Variants in SIPA1L1 observed in about 807,000 individuals in gnomAD.
The protein encoded by SIPA1L1 is signal-induced proliferation-associated 1-like protein 1.
A neutral mutation model predicts 162.7 loss-of-function variants in SIPA1L1; 26 were observed. The ratio of observed to expected loss-of-function variants is 0.16; its 90% CI spans 0.12 to 0.22. The LOEUF (loss-of-function observed/expected upper bound fraction) is 0.22, where lower values mean the gene tolerates loss of function less well. Ranked by LOEUF, SIPA1L1 falls within the 10% of genes least tolerant of loss-of-function variation. SIPA1L1 has a pLI of 1.00. For synonymous variants in SIPA1L1, 829 were observed against 837.4 expected, an observed-to-expected ratio of 0.99 and a Z score of 0.17; for missense variants, 1,874 against 2,241.0, an observed-to-expected ratio of 0.84 and a Z score of 3.31.
At chr14:71,612,454 A>T (rs1395683816) in intron 5 of SIPA1L1, among the ~76,000 whole-genome samples, 1 of 152,206 alleles carries the variant, frequency 6.6e-6, no homozygotes, top group Non-Finnish European at 1.5e-5. Context: ...CTATTAAACA[A>T]TTTAAATTAA....
At chr14:71,426,268 T>C (rs547093927) in intron 2 of SIPA1L1, among the ~76,000 whole-genome samples, 39 of 152,282 alleles carry the variant, frequency 2.6e-4, no homozygotes, top group Admixed American at 2.5e-3. Context: ...GAGGCACTTT[T>C]GTCATGTTGC....
At chr14:71,555,323 T>C (rs902492221) in intron 4 of SIPA1L1, among the ~76,000 whole-genome samples, 2 of 152,224 alleles carry the variant, frequency 1.3e-5, no homozygotes, top group African/African-American at 4.8e-5. Flanking sequence ...GGAGACAGCT[T>C]CCTTCCCGAA....
chr14:71,334,804 T>A, intron 2 of SIPA1L1, among the ~76,000 whole-genome samples: 1 of 152,160 alleles, frequency 6.6e-6, no homozygotes, highest in East Asian at 1.9e-4. Context: ...TTCAGGCAGG[T>A]GAAATACATT....
chr14:71,485,702 T>C (rs908935037), intron 2 of SIPA1L1, among the ~76,000 whole-genome samples: 2 of 152,160 alleles, frequency 1.3e-5, no homozygotes, highest in Non-Finnish European at 2.9e-5. Flanking sequence ...AAATGTAATA[T>C]ACTTGAATCA....
chr14:71,672,577 T>G lies in SIPA1L1; in HGVS notation c.3059T>G (p.Val1020Gly). The G allele has an allele frequency of 6.2e-7, 1 of 1,614,090 alleles. No individual in the cohort carries two copies. Reference sequence around the variant, plus strand: ...GACCTCCTGAGAACATCTGTCACGGTGAAGGTTGTCATCATTCCCCCGCAT... The same window carrying G: ...GACCTCCTGAGAACATCTGTCACGGGGAAGGTTGTCATCATTCCCCCGCAT... ...MIDLLRTSVT[V>G]KVVIIPPHDD... Residue 1020 changes from valine to glycine, a missense_variant, in exon 12 of 24, where the codon GTG becomes GGG. Around this residue, in one of 5 missense-constraint regions of SIPA1L1, gnomAD observed 936 missense variants for 1,051.9 expected, o/e 0.89. Coordinates refer to ENST00000381232, the MANE Select transcript of SIPA1L1 (RefSeq NM_001386936.1).
chr14:71,333,866 T>C (rs1180438364), intron 2 of SIPA1L1, among the ~76,000 whole-genome samples: 1 of 151,704 alleles, frequency 6.6e-6, no homozygotes, highest in Non-Finnish European at 1.5e-5. Context: ...GCTCTATAGG[T>C]GAGATATGAT....
chr14:71,613,478 G>A (rs1370341811), intron 5 of SIPA1L1, among the ~76,000 whole-genome samples: 1 of 151,766 alleles, frequency 6.6e-6, no homozygotes, highest in African/African-American at 2.4e-5. Flanking sequence ...TTGGCATCCC[G>A]GTATGCTGGC....
rs779052930 is a variant in SIPA1L1 at position 71,723,647 on chromosome 14, T to C, written c.4209T>C (p.Ser1403=). 5 of 1,614,198 alleles carry C rather than the reference T, an allele frequency of 3.1e-6. No homozygotes were observed. The Admixed American group carries it at 8.3e-5, about 27-fold the overall frequency. ...ATGTCTTTGCCCTGCTTCTCCTCAGTACCATGAGCTCCCGACACTCTGCCA... is the reference window on the plus strand; with the variant it reads ...ATGTCTTTGCCCTGCTTCTCCTCAGCACCATGAGCTCCCGACACTCTGCCA... ...FSINDAASHT[S]TMSSRHSASP... is the part of the protein sequence containing the mutation. Residue 1403 remains serine, a splice_region_variant and synonymous_variant, in exon 18 of 24, where the codon AGT becomes AGC. Coordinates refer to ENST00000381232, the MANE Select transcript of SIPA1L1 (RefSeq NM_001386936.1).
intron 2 of SIPA1L1, among the ~76,000 whole-genome samples, chr14:71,479,368 T>C (rs1474398693): frequency 9.9e-5 from 15 of 151,656 alleles, no homozygotes; most frequent in Admixed American, 9.9e-4. Context: ...TATGTATGTA[T>C]GTATGTGTGT....
chr14:71,648,262 C>A (rs1447297863), intron 7 of SIPA1L1, among the ~76,000 whole-genome samples: 2 of 152,118 alleles, frequency 1.3e-5, no homozygotes, highest in Non-Finnish European at 2.9e-5. Context: ...TGCAATCCCG[C>A]CTGGTCAACA....
chr14:71,544,452 T>C (rs373934834), intron 4 of SIPA1L1, among the ~76,000 whole-genome samples: 12 of 152,130 alleles, frequency 7.9e-5, no homozygotes, highest in African/African-American at 2.4e-4. Context: ...CGATGTCTCT[T>C]GATGAACAAA....
At chr14:71,405,874 AT>A (rs1002240735) in intron 2 of SIPA1L1, among the ~76,000 whole-genome samples, 1 of 152,174 alleles carries the variant, frequency 6.6e-6, no homozygotes, top group Non-Finnish European at 1.5e-5. Context: ...CATTCTTCAC[AT>A]TTCTTGATAT....
chr14:71,357,450 GA>G (rs2037383008), intron 2 of SIPA1L1, among the ~76,000 whole-genome samples: 1 of 152,176 alleles, frequency 6.6e-6, no homozygotes, highest in African/African-American at 2.4e-5. Context: ...AACTCTCTAG[GA>G]AAGCACAGGT....
At chr14:71,679,565 A>G (rs1208143668) in intron 12 of SIPA1L1, among the ~76,000 whole-genome samples, 1 of 152,216 alleles carries the variant, frequency 6.6e-6, no homozygotes, top group African/African-American at 2.4e-5. Flanking sequence ...TAATGACAGG[A>G]TCAGATTTAC....
intron 2 of SIPA1L1, among the ~76,000 whole-genome samples, chr14:71,502,992 C>T (rs868349978): frequency 1.3e-5 from 2 of 152,094 alleles, no homozygotes; most frequent in Middle Eastern, 3.4e-3. Flanking sequence ...TATGCATGTC[C>T]CCCCTTGCTG....
At chr14:71,523,103 T>A (rs944304688) in intron 3 of SIPA1L1, among the ~76,000 whole-genome samples, 1 of 152,224 alleles carries the variant, frequency 6.6e-6, no homozygotes, top group Non-Finnish European at 1.5e-5. Flanking sequence ...CCTAATGAAT[T>A]TTTTTAAAGT....
intron 2 of SIPA1L1, among the ~76,000 whole-genome samples, chr14:71,349,822 T>C (rs553027785): frequency 6.6e-6 from 1 of 152,320 alleles, no homozygotes; most frequent in African/African-American, 2.4e-5. Flanking sequence ...CTTGCACATA[T>C]TTTTTGATGG....
chr14:71,738,125 A>G (rs372697814), intron 22 of SIPA1L1, 116 bp from the exon 23 acceptor site: 3 of 575,278 alleles, frequency 5.2e-6, no homozygotes, highest in Non-Finnish European at 9.0e-6. Context: ...GTAATTTGAC[A>G]TTGAAAACCA....
At chr14:71,609,843 T>C (rs933620130) in intron 5 of SIPA1L1, among the ~76,000 whole-genome samples, 6 of 152,072 alleles carry the variant, frequency 3.9e-5, no homozygotes, top group Non-Finnish European at 8.8e-5. Context: ...CCTCCTACCT[T>C]GACCTTGATT....
Sources: allele counts gnomAD v4.1 joint callset (sites outside exome capture counted in the v4.1 genomes callset), GRCh38; gene constraint gnomAD v4.1.1; regional missense constraint gnomAD v4.1.1; transcripts MANE v1.5; gene names NCBI Gene and HGNC (gene_info 2026-07-23, HGNC 2026-07-21).